COL21A1: variants seen among roughly 807,000 people sequenced by gnomAD.
COL21A1 encodes the protein collagen type XXI alpha 1 chain.
In COL21A1, 149 loss-of-function variants were observed where a neutral mutation model predicts 137.9. The observed-to-expected ratio is 1.08, with a 90% CI of 0.95 to 1.24. COL21A1 has a LOEUF of 1.24. Among genes scored for constraint, COL21A1 ranks in the 50% most tolerant of loss-of-function variants. The pLI is 0.00. For synonymous variants in COL21A1, 456 were observed against 391.5 expected (o/e 1.16, Z -1.95); for missense variants, 1,167 against 1,158.4 (o/e 1.01, Z -0.11).
Position 56,086,866 on chromosome 6 carries a change from C to T in COL21A1, c.1813-9293G>A, listed in dbSNP as rs182644160. On this transcript the variant is annotated intron_variant, in intron 17 of 29. Transcript: ENST00000244728. Reference sequence around the variant, plus strand: ...AAGTCAAAAGCAGTCTTAAATAATCCGAACCATTCTGCCAGCTTGTCTAAT... The same window carrying T: ...AAGTCAAAAGCAGTCTTAAATAATCTGAACCATTCTGCCAGCTTGTCTAAT... Among the ~76,000 whole-genome samples, 73 of 152,226 alleles carry T rather than the reference C, an allele frequency of 4.8e-4. 1 individual carries two copies. The highest frequency in any genetic ancestry group is 2.0e-3 in the Admixed American group (31 of 15,282).
intron 1 of COL21A1, among the ~76,000 whole-genome samples, chr6:56,354,937 T>C (rs1433796716): frequency 6.6e-6 from 1 of 152,188 alleles, no homozygotes; most frequent in African/African-American, 2.4e-5. Context: ...TAATCCTCAT[T>C]GGTCACCATT....
chr6:56,351,756 T>C (rs1581764414), intron 1 of COL21A1, among the ~76,000 whole-genome samples: 1 of 152,286 alleles, frequency 6.6e-6, no homozygotes, highest in South Asian at 2.1e-4. Context: ...GAAGGTGAAA[T>C]AGACCTTGCA....
chr6:56,129,607 T>C (rs1482890868), intron 12 of COL21A1, among the ~76,000 whole-genome samples: 1 of 151,978 alleles, frequency 6.6e-6, no homozygotes. Context: ...AATGTCTTTC[T>C]CAAGAATAAT....
At chr6:56,228,576 G>T (rs934528374) in intron 1 of COL21A1, among the ~76,000 whole-genome samples, 1 of 147,176 alleles carries the variant, frequency 6.8e-6, no homozygotes, top group Non-Finnish European at 1.5e-5. Flanking sequence ...GACATGAAAT[G>T]GTTCATACAT....
intron 1 of COL21A1, among the ~76,000 whole-genome samples, chr6:56,304,776 T>A (rs2152338138): frequency 6.6e-6 from 1 of 152,348 alleles, no homozygotes; most frequent in Middle Eastern, 3.4e-3. Context: ...TTCTGCTAGC[T>A]TTTGAATGTG....
In COL21A1 at chr6:56,057,250, G is replaced by A. The variant is rs1765416705; in HGVS notation, c.*407C>T. The A allele has an allele frequency of 7.5e-6, 2 of 267,580 alleles. No homozygotes were observed. The highest frequency in any genetic ancestry group is 7.4e-5 in the South Asian group (2 of 26,846). 16.6% of individuals were successfully genotyped at this position (267,580 alleles called of 1,614,324 possible). ...TGATGAGATACATGTTTTGGCTTATGTAGTAGCATGAGCTATGAGATAGGA... is the reference window on the plus strand; with the variant it reads ...TGATGAGATACATGTTTTGGCTTATATAGTAGCATGAGCTATGAGATAGGA... On this transcript the variant is annotated 3_prime_UTR_variant, in exon 30 of 30. Transcript: ENST00000244728.
At chr6:56,337,966 T>A (rs1198583198) in intron 1 of COL21A1, among the ~76,000 whole-genome samples, 1 of 109,248 alleles carries the variant, frequency 9.2e-6, no homozygotes, top group African/African-American at 5.5e-5. Flanking sequence ...CTTTTCTTTT[T>A]TTTTTTTTTT....
chr6:56,084,401 T>C (rs527313266), intron 17 of COL21A1, among the ~76,000 whole-genome samples: 2 of 152,052 alleles, frequency 1.3e-5, no homozygotes, highest in Admixed American at 6.6e-5. Flanking sequence ...TGTTCTTATG[T>C]ATTTGTAAAG....
intron 1 of COL21A1, among the ~76,000 whole-genome samples, chr6:56,290,498 G>GGTTTTTTTTTTTTTTTTTTTTTTTT (rs371058894): frequency 7.5e-6 from 1 of 132,960 alleles, no homozygotes; most frequent in Admixed American, 8.2e-5. Context: ...TCACTTAGGA[G>GGTTTTTTTTTTTTTTTTTTTTTTTT]ATTTTTTTTT....
intron 5 of COL21A1, 80 bp from the exon 6 acceptor site, chr6:56,168,377 C>T: frequency 8.4e-7 from 1 of 1,189,446 alleles, no homozygotes; most frequent in Non-Finnish European, 1.1e-6. Context: ...TCCCTTGTTC[C>T]TAACCATTGC....
intron 12 of COL21A1, 158 bp from the exon 13 acceptor site, chr6:56,126,307 T>A: frequency 1.8e-6 from 1 of 570,736 alleles, no homozygotes; most frequent in South Asian, 2.2e-5. Flanking sequence ...TGAAAAATTA[T>A]CCCTACTTTT....
At chr6:56,336,841 G>A (rs949123828) in intron 1 of COL21A1, among the ~76,000 whole-genome samples, 7 of 152,168 alleles carry the variant, frequency 4.6e-5, no homozygotes, top group African/African-American at 1.2e-4. Context: ...AAAGAAATAC[G>A]TCAAACCAGT....
At chr6:56,075,617 G>T in intron 18 of COL21A1, 85 bp from the exon 19 acceptor site, 2 of 967,724 alleles carry the variant, frequency 2.1e-6, no homozygotes, top group Non-Finnish European at 3.0e-6. Flanking sequence ...ACAATGGAAT[G>T]ACAATTGAAT....
chr6:56,283,943 T>C (rs930767689), intron 1 of COL21A1, among the ~76,000 whole-genome samples: 18 of 151,088 alleles, frequency 1.2e-4, no homozygotes, highest in African/African-American at 4.1e-4. Flanking sequence ...ATAACAGGAG[T>C]GGCCGACCTG....
chr6:56,298,644 G>A (rs556744213), intron 1 of COL21A1, among the ~76,000 whole-genome samples: 3 of 152,198 alleles, frequency 2.0e-5, no homozygotes, highest in East Asian at 3.9e-4. Context: ...GATAGAGCCA[G>A]TTCTAATTAA....
intron 1 of COL21A1, among the ~76,000 whole-genome samples, chr6:56,381,442 T>C (rs2094008544): frequency 6.6e-6 from 1 of 152,164 alleles, no homozygotes. Context: ...AAAGAGAGAT[T>C]ATATGACTGT....
rs145481385 is a variant in COL21A1, at chr6:56,178,060, T to C, written c.640+1518A>G. Among the ~76,000 whole-genome samples, 258 of 152,236 alleles carry C rather than the reference T, an allele frequency of 1.7e-3. 2 individuals carry two copies. The highest frequency in any genetic ancestry group is 5.9e-3 in the African/African-American group (247 of 41,548). ...ACTCTTTCATGTGTAGTTAGAATCA[T>C]TAAAATAGAATGCATTTACCAAAAT... On this transcript the variant is annotated intron_variant, in intron 3 of 29. Coordinates refer to ENST00000244728, the MANE Select transcript of COL21A1 (RefSeq NM_030820.4).
intron 3 of COL21A1, among the ~76,000 whole-genome samples, chr6:56,174,017 A>G (rs1777261280): frequency 6.6e-6 from 1 of 152,204 alleles, no homozygotes; most frequent in East Asian, 1.9e-4. Flanking sequence ...ATAAAACTAA[A>G]AATTAACAAC....
intron 17 of COL21A1, among the ~76,000 whole-genome samples, chr6:56,097,271 C>A (rs559164714): frequency 2.5e-4 from 38 of 152,228 alleles, no homozygotes; most frequent in East Asian, 9.7e-4. Context: ...GAGTCTCACT[C>A]AGTAACTCCC....
Sources: gnomAD v4.1 joint callset for allele counts (sites outside exome capture counted in the v4.1 genomes callset) on GRCh38, gnomAD v4.1.1 for gene constraint, MANE v1.5 for transcripts, NCBI Gene and HGNC (gene_info 2026-07-23, HGNC 2026-07-21) for gene names.